The following CSMD1 variants were observed in gnomAD, a reference collection of about 807,000 sequenced individuals.
CSMD1 encodes CUB and sushi domain-containing protein 1.
A neutral mutation model predicts 417.5 loss-of-function variants in CSMD1; 213 were observed. The observed-to-expected ratio is 0.51, with a 90% CI of 0.46 to 0.57. The LOEUF (loss-of-function observed/expected upper bound fraction) is 0.57. Among genes scored for constraint, CSMD1 ranks in the 20% least tolerant of loss-of-function variants. The probability of loss-of-function intolerance (pLI) is 0.00; values close to 1 mark genes in which losing one functional copy is unlikely to be tolerated. For missense variants in CSMD1, 6,923 were observed against 4,529.7 expected (o/e 1.53, Z -15.17); for synonymous variants, 2,862 against 1,736.8 (o/e 1.65, Z -16.11).
chr8:3,491,920 G>A (rs1208237464), intron 11 of CSMD1, among the ~76,000 whole-genome samples: 1 of 152,184 alleles, frequency 6.6e-6, no homozygotes, highest in Admixed American at 6.5e-5. Context: ...GGCGGGTCCA[G>A]GGGACCTGAG....
intron 5 of CSMD1, among the ~76,000 whole-genome samples, chr8:3,934,438 G>T (rs1311569620): frequency 6.6e-6 from 1 of 152,092 alleles, no homozygotes; most frequent in Non-Finnish European, 1.5e-5. Flanking sequence ...GTTAAAAATT[G>T]TTCTCATAAT....
intron 8 of CSMD1, among the ~76,000 whole-genome samples, chr8:3,610,347 A>G (rs190530740): frequency 6.6e-6 from 1 of 152,302 alleles, no homozygotes; most frequent in East Asian, 1.9e-4. Flanking sequence ...AGCCTAGGCA[A>G]CACAGCGAGA....
chr8:4,099,191 C>A (rs759101998), intron 3 of CSMD1, among the ~76,000 whole-genome samples: 22 of 144,728 alleles, frequency 1.5e-4, no homozygotes, highest in Non-Finnish European at 3.0e-4. Context: ...CACACATACA[C>A]ACTCACACAC....
intron 3 of CSMD1, among the ~76,000 whole-genome samples, chr8:4,323,612 C>T (rs1026553419): frequency 2.1e-4 from 32 of 151,796 alleles, no homozygotes; most frequent in African/African-American, 6.3e-4. Context: ...GTCAACAGTG[C>T]GACAGAAACC....
chr8:4,237,748 A>G (rs1382186769), intron 3 of CSMD1, among the ~76,000 whole-genome samples: 5 of 152,272 alleles, frequency 3.3e-5, no homozygotes, highest in Admixed American at 6.5e-5. Flanking sequence ...CTTGGGCTCA[A>G]GTGATCCTTC....
intron 5 of CSMD1, among the ~76,000 whole-genome samples, chr8:3,868,453 C>T (rs184747204): frequency 2.6e-5 from 4 of 152,252 alleles, no homozygotes; most frequent in Admixed American, 1.3e-4. Flanking sequence ...TCCCATGCCA[C>T]CTGCATCAGC....
intron 25 of CSMD1, among the ~76,000 whole-genome samples, chr8:3,307,361 C>A (rs1804954266): frequency 6.6e-6 from 1 of 152,060 alleles, no homozygotes; most frequent in Non-Finnish European, 1.5e-5. Flanking sequence ...GACTGCTCAT[C>A]CCCAGGCAGT....
intron 52 of CSMD1, among the ~76,000 whole-genome samples, chr8:3,016,403 T>A (rs974926143): frequency 3.9e-5 from 6 of 152,188 alleles, no homozygotes; most frequent in African/African-American, 1.4e-4. Flanking sequence ...CTTTATGGTT[T>A]CTTGTGGACA....
At chr8:4,239,171 G>T (rs1389052424) in intron 3 of CSMD1, among the ~76,000 whole-genome samples, 5 of 152,180 alleles carry the variant, frequency 3.3e-5, no homozygotes, top group African/African-American at 1.2e-4. Context: ...CACCAGAGTT[G>T]AATGAACTAT....
chr8:4,139,493 G>A (rs1462249459), intron 3 of CSMD1, among the ~76,000 whole-genome samples: 1 of 151,354 alleles, frequency 6.6e-6, no homozygotes, highest in East Asian at 1.9e-4. Context: ...TGGCGTGGAT[G>A]AATGGTCTGC....
chr8:3,985,667 C>A (rs569343454), intron 5 of CSMD1, among the ~76,000 whole-genome samples: 1 of 151,996 alleles, frequency 6.6e-6, no homozygotes, highest in African/African-American at 2.4e-5. Flanking sequence ...TAGGTTGATG[C>A]TAGAATTCTC....
intron 3 of CSMD1, among the ~76,000 whole-genome samples, chr8:4,271,789 A>G (rs766350871): frequency 6.6e-6 from 1 of 152,122 alleles, no homozygotes; most frequent in African/African-American, 2.4e-5. Context: ...CACATTATGA[A>G]TTACTCCTCC....
chr8:3,319,273 G>C (rs745574259), intron 23 of CSMD1, among the ~76,000 whole-genome samples: 17 of 152,166 alleles, frequency 1.1e-4, no homozygotes, highest in Admixed American at 5.2e-4. Context: ...TGATTAACTA[G>C]TGTTGGTTCT....
chr8:3,404,810 C>G (rs867568157), intron 15 of CSMD1, among the ~76,000 whole-genome samples: 1 of 151,868 alleles, frequency 6.6e-6, no homozygotes, highest in Admixed American at 6.6e-5. Context: ...CTAAGGACAC[C>G]TGAGACGCTT....
intron 1 of CSMD1, among the ~76,000 whole-genome samples, chr8:4,905,664 A>AC (rs1805202571): frequency 6.9e-6 from 1 of 144,702 alleles, no homozygotes; most frequent in African/African-American, 2.5e-5. Flanking sequence ...CTAAAACTAC[A>AC]AAAAAATTAG....
intron 1 of CSMD1, among the ~76,000 whole-genome samples, chr8:4,975,146 C>A (rs200347932): frequency 2.6e-5 from 4 of 152,130 alleles, no homozygotes; most frequent in Non-Finnish European, 4.4e-5. Flanking sequence ...CCTAGTGGTT[C>A]CAGCAAATTA....
chr8:4,898,541 G>A (rs1804655370), intron 1 of CSMD1, among the ~76,000 whole-genome samples: 1 of 152,174 alleles, frequency 6.6e-6, no homozygotes, highest in African/African-American at 2.4e-5. Context: ...TTATGCCTCT[G>A]TTCTTTTAAA....
chr8:3,479,600 T>A (rs1213584947), intron 11 of CSMD1, among the ~76,000 whole-genome samples: 5 of 152,232 alleles, frequency 3.3e-5, no homozygotes, highest in African/African-American at 9.6e-5. Context: ...TTCAATGGCA[T>A]AAATGCCATT....
Position 4,326,591 on chromosome 8 carries a change from C to G in CSMD1, c.415+93362G>C, listed in dbSNP as rs11997455. 3.4e-3 allele frequency among the ~76,000 whole-genome samples: 515 copies of G among 152,270 alleles called. 2 individuals carry two copies. The highest frequency in any genetic ancestry group is 0.011 in the African/African-American group (460 of 41,570). On this transcript the variant is annotated intron_variant, in intron 3 of 69. Transcript: ENST00000635120. ...TAGAAGCAATTCCAAACTTCTTTTT[C>G]TCTCCTACGGAGAAAACAGTAAGAA...
Sources: gnomAD v4.1 joint callset for allele counts (sites outside exome capture counted in the v4.1 genomes callset) on GRCh38, gnomAD v4.1.1 for gene constraint, MANE v1.5 for transcripts, NCBI Gene and HGNC (gene_info 2026-07-23, HGNC 2026-07-21) for gene names.